Variants in IL6R observed in about 807,000 individuals in gnomAD.
IL6R encodes interleukin-6 receptor subunit alpha.
IL6R carries 38 observed loss-of-function variants against 48.3 expected under a neutral mutation model. That is an observed-to-expected ratio of 0.79 (90% CI 0.61 to 1.03). The LOEUF (loss-of-function observed/expected upper bound fraction) is 1.03, where lower values mean the gene tolerates loss of function less well. Ranked by LOEUF, IL6R falls within the 50% of genes least tolerant of loss-of-function variation. The pLI, the probability that IL6R is intolerant of heterozygous loss-of-function variation, is 0.00. For missense variants in IL6R, 534 were observed against 618.3 expected, an observed-to-expected ratio of 0.86 and a Z score of 1.45; for synonymous variants, 264 against 256.2, an observed-to-expected ratio of 1.03 and a Z score of -0.29.
chr1:154,428,688 G>A (rs999794032), intron 1 of IL6R, among the ~76,000 whole-genome samples: 2 of 152,226 alleles, frequency 1.3e-5, no homozygotes, highest in African/African-American at 4.8e-5. Context: ...ACATGGCAGC[G>A]TGTGGGTGAC....
At chr1:154,455,982 G>C (rs1236570238) in intron 9 of IL6R, among the ~76,000 whole-genome samples, 1 of 151,768 alleles carries the variant, frequency 6.6e-6, no homozygotes, top group East Asian at 2.0e-4. Context: ...ACTTGAACCT[G>C]GGAAGCGGAG....
chr1:154,425,936 C>T (rs533139207), intron 1 of IL6R, among the ~76,000 whole-genome samples: 4 of 151,450 alleles, frequency 2.6e-5, no homozygotes, highest in South Asian at 2.1e-4. Context: ...AAAAATTAGC[C>T]GGGCATGGTG....
intron 1 of IL6R, chr1:154,414,361 G>A: frequency 7.3e-7 from 1 of 1,375,716 alleles, no homozygotes; most frequent in Non-Finnish European, 1.0e-6. Context: ...GTGCCTGGTG[G>A]GCTCAGAAGA....
chr1:154,410,376 G>A (rs778856345), intron 1 of IL6R, among the ~76,000 whole-genome samples: 17 of 151,890 alleles, frequency 1.1e-4, no homozygotes, highest in Non-Finnish European at 1.8e-4. Flanking sequence ...CTCAGCTTCC[G>A]GAATAGCTGG....
chr1:154,446,017 A>C (rs1038483998), intron 6 of IL6R, among the ~76,000 whole-genome samples: 5 of 151,924 alleles, frequency 3.3e-5, no homozygotes, highest in Non-Finnish European at 5.9e-5. Flanking sequence ...CTCCAGCCTC[A>C]GTCTCCCAAA....
chr1:154,443,976 A>G (rs1248078006), intron 6 of IL6R, among the ~76,000 whole-genome samples: 1 of 151,892 alleles, frequency 6.6e-6, no homozygotes, highest in Non-Finnish European at 1.5e-5. Flanking sequence ...TGCACATCGC[A>G]CCAAATGTCT....
intron 1 of IL6R, among the ~76,000 whole-genome samples, chr1:154,423,162 C>T (rs73026642): frequency 0.032 from 4,845 of 151,018 alleles, 178 homozygotes; most frequent in African/African-American, 0.089. Context: ...CCTCATCCCC[C>T]GACATCCCTC....
At chr1:154,455,237 C>A (rs1423744777) in intron 9 of IL6R, among the ~76,000 whole-genome samples, 1 of 151,036 alleles carries the variant, frequency 6.6e-6, no homozygotes, top group Non-Finnish European at 1.5e-5. Flanking sequence ...GAGAGAAGCC[C>A]AGCATGTAAT....
intron 6 of IL6R, among the ~76,000 whole-genome samples, chr1:154,442,695 C>G (rs1690007591): frequency 6.6e-6 from 1 of 152,242 alleles, no homozygotes; most frequent in African/African-American, 2.4e-5. Context: ...GCAGCTTTCT[C>G]TCAAGCGGGA....
rs757221328 is a variant in IL6R at position 154,448,875 on chromosome 1, C to CTT, written c.996+732_996+733dup. ...CATTGCAAGGGAGTGCTTGTAAGGG[C>CTT]TTTTTTTTTTTTTTTTTTTTTTTTT... On this transcript the variant is annotated intron_variant, in intron 7 of 9. Transcript: ENST00000368485. Among the ~76,000 whole-genome samples, 139 of 73,270 alleles carry CTT rather than the reference C, an allele frequency of 1.9e-3. 7 individuals are homozygous for CTT. The highest frequency in any genetic ancestry group is 2.4e-3 in the African/African-American group (46 of 19,572). The allele number at this position is 73,270 out of a possible 152,430, so 48.1% of individuals were successfully genotyped here.
chr1:154,423,671 A>G (rs1688816501), intron 1 of IL6R, among the ~76,000 whole-genome samples: 1 of 152,214 alleles, frequency 6.6e-6, no homozygotes, highest in Non-Finnish European at 1.5e-5. Flanking sequence ...TAGAGGAAAT[A>G]TATTTTGAAG....
intron 1 of IL6R, among the ~76,000 whole-genome samples, chr1:154,423,834 G>C (rs940142954): frequency 6.6e-6 from 1 of 152,106 alleles, no homozygotes; most frequent in Non-Finnish European, 1.5e-5. Flanking sequence ...CTGCAGCTCT[G>C]CTTTTGTGGA....
intron 9 of IL6R, among the ~76,000 whole-genome samples, chr1:154,458,940 A>C (rs372013534): frequency 7.2e-4 from 109 of 152,186 alleles, no homozygotes; most frequent in African/African-American, 2.6e-3. Flanking sequence ...CAAGAATCAA[A>C]CCAAAAACTC....
intron 1 of IL6R, among the ~76,000 whole-genome samples, chr1:154,410,167 G>A (rs1397512576): frequency 6.6e-6 from 1 of 152,086 alleles, no homozygotes; most frequent in Non-Finnish European, 1.5e-5. Flanking sequence ...GCAGAGGGAA[G>A]TGCTAAATGC....
rs574579254 is a variant in IL6R at position 154,467,144 on chromosome 1, A to T, written c.*1764A>T. 6.6e-6 allele frequency: 1 copy of T among 152,172 alleles called. No individual in the cohort carries two copies. The highest frequency in any genetic ancestry group is 1.5e-5 in the Non-Finnish European group (1 of 68,000). 9.4% of individuals were successfully genotyped at this position (152,172 alleles called of 1,614,324 possible). The stretch of plus-strand genomic sequence containing the variant: ...AAGAGGTTTTAAAAAAATCCCATTT[A>T]AAAAAAATCCCTTACCTCGGTGCCT... On this transcript the variant is annotated 3_prime_UTR_variant, in exon 10 of 10. Transcript: ENST00000368485.
At chr1:154,444,959 G>T (rs958601506) in intron 6 of IL6R, 1 of 426,794 alleles carries the variant, frequency 2.3e-6, no homozygotes, top group Non-Finnish European at 4.7e-6. Flanking sequence ...AATGAGGAAG[G>T]GTGAAACCTC....
chr1:154,436,926 T>C (rs1689656458), intron 6 of IL6R, among the ~76,000 whole-genome samples: 2 of 152,200 alleles, frequency 1.3e-5, no homozygotes, highest in Non-Finnish European at 2.9e-5. Flanking sequence ...AGTGAGAACA[T>C]GTTAGTATGC....
intron 9 of IL6R, among the ~76,000 whole-genome samples, chr1:154,462,732 C>A (rs954996988): frequency 1.3e-5 from 2 of 152,000 alleles, no homozygotes; most frequent in Admixed American, 1.3e-4. Flanking sequence ...TCTTAATCAA[C>A]CTCCTATTAC....
intron 1 of IL6R, among the ~76,000 whole-genome samples, chr1:154,410,990 C>T (rs1469422453): frequency 6.6e-6 from 1 of 152,194 alleles, no homozygotes; most frequent in African/African-American, 2.4e-5. Flanking sequence ...GAAGTGCTGG[C>T]CCCATTGCAT....
Sources: gnomAD v4.1 joint callset for allele counts (sites outside exome capture counted in the v4.1 genomes callset) on GRCh38, gnomAD v4.1.1 for gene constraint, MANE v1.5 for transcripts, NCBI Gene and HGNC (gene_info 2026-07-23, HGNC 2026-07-21) for gene names.